Variants in CLEC2L observed in about 807,000 individuals in gnomAD.
CLEC2L encodes the protein C-type lectin domain family 2, member L.
A neutral mutation model predicts 23.6 loss-of-function variants in CLEC2L; 14 were observed. The ratio of observed to expected loss-of-function variants is 0.59; its 90% CI spans 0.39 to 0.93. The LOEUF (loss-of-function observed/expected upper bound fraction) is 0.93, where lower values mean the gene tolerates loss of function less well. Ranked by LOEUF, CLEC2L falls within the 40% of genes least tolerant of loss-of-function variation. The pLI is 0.00. For missense variants in CLEC2L, 264 were observed against 282.4 expected (o/e 0.93, Z 0.47); for synonymous variants, 114 against 121.3 (o/e 0.94, Z 0.40).
At chr7:139,533,828 CCT>C (rs1484002638) in intron 1 of CLEC2L, among the ~76,000 whole-genome samples, 1 of 152,158 alleles carries the variant, frequency 6.6e-6, no homozygotes, top group Non-Finnish European at 1.5e-5. Context: ...ACAGATTCTT[CCT>C]CTCAATTTTG....
chr7:139,538,752 AAAAC>A (rs1797695445), intron 2 of CLEC2L, among the ~76,000 whole-genome samples: 1 of 63,052 alleles, frequency 1.6e-5, no homozygotes, highest in Non-Finnish European at 3.2e-5. Context: ...CCATCTCAAA[AAAAC>A]AAAACAAAAC....
intron 1 of CLEC2L, among the ~76,000 whole-genome samples, chr7:139,524,576 G>A (rs1797479527): frequency 6.6e-6 from 1 of 150,402 alleles, no homozygotes; most frequent in Admixed American, 6.6e-5. Context: ...GGGGCATGTG[G>A]GGAGGGCAGG....
chr7:139,533,765 A>C (rs1229122400), intron 1 of CLEC2L, among the ~76,000 whole-genome samples: 1 of 152,222 alleles, frequency 6.6e-6, no homozygotes, highest in Non-Finnish European at 1.5e-5. Context: ...CCTTTGTAAA[A>C]TACAATACAA....
intron 1 of CLEC2L, among the ~76,000 whole-genome samples, chr7:139,525,996 C>T (rs1797500182): frequency 2.0e-5 from 3 of 152,210 alleles, no homozygotes; most frequent in Admixed American, 2.0e-4. Flanking sequence ...TGCTCTCTGA[C>T]TCATGCCACC....
chr7:139,528,573 G>A (rs914762061), intron 1 of CLEC2L, among the ~76,000 whole-genome samples: 1 of 152,160 alleles, frequency 6.6e-6, no homozygotes, highest in African/African-American at 2.4e-5. Flanking sequence ...CACAAGAACA[G>A]CATGATTTGG....
At position 139,536,368 on chromosome 7, in the gene CLEC2L, C is replaced by T; in HGVS notation, c.265+20C>T. On this transcript the variant is annotated intron_variant, in intron 2 of 4. Transcript: ENST00000422142. ...TCTTGGGTGAGCATGCGTGTCAGAGCATTTATGCATTCAGTTTGCACATTC... is the reference window on the plus strand; with the variant it reads ...TCTTGGGTGAGCATGCGTGTCAGAGTATTTATGCATTCAGTTTGCACATTC... 6.5e-7 allele frequency: 1 copy of T among 1,544,464 alleles called. No individual in the cohort carries two copies.
intron 3 of CLEC2L, among the ~76,000 whole-genome samples, chr7:139,541,580 C>G (rs1191422222): frequency 6.6e-6 from 1 of 152,210 alleles, no homozygotes; most frequent in East Asian, 1.9e-4. Flanking sequence ...AGTATGATAT[C>G]CCCAGTCTGC....
At chr7:139,535,392 A>T (rs1421712389) in intron 1 of CLEC2L, among the ~76,000 whole-genome samples, 1 of 152,156 alleles carries the variant, frequency 6.6e-6, no homozygotes, top group Non-Finnish European at 1.5e-5. Context: ...GGAGTTGTTT[A>T]AGGGAACAGA....
Position 139,544,417 on chromosome 7 carries a change from A to C in CLEC2L, c.*75A>C. ...TGGTGTCTGCTCAAGACCTGCTTCC[A>C]GCGGAGCCGCCTGCCCTCTGCAAGG... On this transcript the variant is annotated 3_prime_UTR_variant, in exon 5 of 5. Transcript: ENST00000422142. 9.0e-7 allele frequency: 1 copy of C among 1,112,104 alleles called. No individual in the cohort carries two copies. The highest frequency in any genetic ancestry group is 1.3e-6 in the Non-Finnish European group (1 of 755,172). The allele number at this position is 1,112,104 out of a possible 1,614,324, so 68.9% of individuals were successfully genotyped here.
intron 2 of CLEC2L, 143 bp downstream of exon 2, chr7:139,536,491 T>C (rs1284976400): frequency 1.4e-6 from 1 of 703,598 alleles, no homozygotes; most frequent in African/African-American, 1.8e-5. Context: ...GTGTCAGTTG[T>C]TGAGAGTTCA....
intron 1 of CLEC2L, among the ~76,000 whole-genome samples, chr7:139,529,502 T>C (rs1311606860): frequency 6.6e-5 from 10 of 152,162 alleles, no homozygotes; most frequent in Non-Finnish European, 1.5e-5. Context: ...CTCAGCATGC[T>C]CACCATAGGC....
At chr7:139,528,557 C>T (rs1466050006) in intron 1 of CLEC2L, among the ~76,000 whole-genome samples, 2 of 151,364 alleles carry the variant, frequency 1.3e-5, no homozygotes, top group East Asian at 3.9e-4. Flanking sequence ...GAGACTTACT[C>T]ACTATCACAA....
At chr7:139,532,151 C>G (rs1797591178) in intron 1 of CLEC2L, among the ~76,000 whole-genome samples, 1 of 152,126 alleles carries the variant, frequency 6.6e-6, no homozygotes, top group Non-Finnish European at 1.5e-5. Context: ...AACACTGGAG[C>G]TAGAAGACAA....
At chr7:139,542,862 A>G (rs2116329677) in intron 4 of CLEC2L, among the ~76,000 whole-genome samples, 1 of 152,024 alleles carries the variant, frequency 6.6e-6, no homozygotes, top group South Asian at 2.1e-4. Context: ...GGCGTGGGGA[A>G]AGGAGTGGTC....
chr7:139,525,348 G>A (rs1797491965), intron 1 of CLEC2L, among the ~76,000 whole-genome samples: 1 of 152,162 alleles, frequency 6.6e-6, no homozygotes, highest in Non-Finnish European at 1.5e-5. Context: ...GGTGGGGATG[G>A]TAATGCCAGC....
At chr7:139,541,270 A>C (rs1490736986) in intron 3 of CLEC2L, among the ~76,000 whole-genome samples, 4 of 152,106 alleles carry the variant, frequency 2.6e-5, no homozygotes, top group Non-Finnish European at 5.9e-5. Flanking sequence ...AGGCCTCCCA[A>C]AGTGCTGGTA....
intron 1 of CLEC2L, among the ~76,000 whole-genome samples, chr7:139,530,052 C>A (rs186987639): frequency 6.7e-6 from 1 of 150,172 alleles, no homozygotes; most frequent in East Asian, 1.9e-4. Flanking sequence ...GGCATGGTGG[C>A]ACGTGCCTCT....
rs147222591 is a variant in CLEC2L, at chr7:139,535,752, G to T, written c.191-522G>T. Among the ~76,000 whole-genome samples, 111 of 152,240 alleles carry T rather than the reference G, an allele frequency of 7.3e-4. 2 individuals carry two copies. The highest frequency in any genetic ancestry group is 2.5e-3 in the African/African-American group (102 of 41,540). On this transcript the variant is annotated intron_variant, in intron 1 of 4. Transcript: ENST00000422142. Reference sequence around the variant, plus strand: ...GAGGAGGTGGAGGAGGAGATTTCGGGAGCAAAGATTCAGTAGCAGGGCTGT... The same window carrying T: ...GAGGAGGTGGAGGAGGAGATTTCGGTAGCAAAGATTCAGTAGCAGGGCTGT...
rs893056058 is a variant in CLEC2L, at chr7:139,544,619, A to C, written c.*277A>C. 1 of 441,764 alleles carries C rather than the reference A, an allele frequency of 2.3e-6. No homozygotes were observed. Among genetic ancestry groups the C allele is most frequent in the Admixed American group, 3.6e-5 (1 of 27,802 alleles). The allele number at this position is 441,764 out of a possible 1,614,324, so 27.4% of individuals were successfully genotyped here. On this transcript the variant is annotated 3_prime_UTR_variant, in exon 5 of 5. Coordinates refer to ENST00000422142, the MANE Select transcript of CLEC2L (RefSeq NM_001080511.4). ...TACACACACACACATGCATAGGTAC[A>C]CGCACGCACAGACGCTGTCCCTTCT...
Sources: allele counts gnomAD v4.1 joint callset (sites outside exome capture counted in the v4.1 genomes callset), GRCh38; gene constraint gnomAD v4.1.1; transcripts MANE v1.5; gene names NCBI Gene and HGNC (gene_info 2026-07-23, HGNC 2026-07-21).